The following LRMDA variants were observed in gnomAD, a reference collection of about 807,000 sequenced individuals.
LRMDA encodes the protein leucine-rich melanocyte differentiation-associated protein.
LRMDA carries 18 observed loss-of-function variants against 29.8 expected under a neutral mutation model. That is an observed-to-expected ratio of 0.60 (90% CI 0.42 to 0.90). The LOEUF (loss-of-function observed/expected upper bound fraction) is 0.90. Ranked by LOEUF, LRMDA falls within the 40% of genes least tolerant of loss-of-function variation. LRMDA has a pLI of 0.00. For missense variants in LRMDA, 273 were observed against 273.9 expected, an observed-to-expected ratio of 1.00 and a Z score of 0.02; for synonymous variants, 125 against 109.4, an observed-to-expected ratio of 1.14 and a Z score of -0.89.
intron 5 of LRMDA, among the ~76,000 whole-genome samples, chr10:76,090,955 A>G (rs1849221460): frequency 6.6e-6 from 1 of 152,186 alleles, no homozygotes; most frequent in African/African-American, 2.4e-5. Flanking sequence ...ACTGAGCTAT[A>G]TATTTAGAAA....
At chr10:75,453,421 C>T (rs1173989782) in intron 2 of LRMDA, among the ~76,000 whole-genome samples, 1 of 152,100 alleles carries the variant, frequency 6.6e-6, no homozygotes, top group Non-Finnish European at 1.5e-5. Context: ...TAAAGTTGTG[C>T]TAATTGAAGC....
intron 2 of LRMDA, among the ~76,000 whole-genome samples, chr10:75,955,313 CAT>C (rs1413056298): frequency 1.3e-5 from 2 of 152,304 alleles, no homozygotes; most frequent in Middle Eastern, 3.4e-3. Context: ...TTGTGCCAAT[CAT>C]GTGTCCCAGC....
intron 2 of LRMDA, among the ~76,000 whole-genome samples, chr10:75,868,543 A>G (rs1445302883): frequency 1.3e-5 from 2 of 152,232 alleles, no homozygotes; most frequent in African/African-American, 4.8e-5. Context: ...GATTGTTACT[A>G]GTATTAAAGC....
chr10:75,897,357 A>G (rs1210961892), intron 2 of LRMDA, among the ~76,000 whole-genome samples: 3 of 152,190 alleles, frequency 2.0e-5, no homozygotes, highest in Admixed American at 6.5e-5. Flanking sequence ...AATCAAGATC[A>G]TAGTCTAAGG....
chr10:75,854,012 G>T (rs1438161294), intron 2 of LRMDA, among the ~76,000 whole-genome samples: 6 of 152,182 alleles, frequency 3.9e-5, no homozygotes, highest in Non-Finnish European at 8.8e-5. Flanking sequence ...GGCATTCCTT[G>T]CCTGGCAGCT....
chr10:75,532,488 C>T (rs1845489183), intron 2 of LRMDA, among the ~76,000 whole-genome samples: 1 of 152,104 alleles, frequency 6.6e-6, no homozygotes, highest in African/African-American at 2.4e-5. Flanking sequence ...TTGGGAGAGA[C>T]CAGTTTGCCA....
At chr10:75,990,950 A>T (rs1455915995) in intron 2 of LRMDA, among the ~76,000 whole-genome samples, 2 of 152,130 alleles carry the variant, frequency 1.3e-5, no homozygotes, top group African/African-American at 2.4e-5. Context: ...AGTCTTCCCT[A>T]AGTTAGTACA....
At chr10:75,952,382 A>C (rs770592850) in intron 2 of LRMDA, among the ~76,000 whole-genome samples, 7 of 152,346 alleles carry the variant, frequency 4.6e-5, no homozygotes, top group Non-Finnish European at 8.8e-5. Flanking sequence ...AAACTCCTTC[A>C]GTCACTGATG....
intron 2 of LRMDA, among the ~76,000 whole-genome samples, chr10:75,595,871 A>AT (rs34804885): frequency 0.6 from 91,803 of 151,862 alleles, 31,124 homozygotes; most frequent in East Asian, 0.85. Flanking sequence ...AGGTTACCAC[A>AT]TTTTCAGAGA....
chr10:75,607,404 T>C (rs559151263), intron 2 of LRMDA, among the ~76,000 whole-genome samples: 30 of 152,358 alleles, frequency 2.0e-4, no homozygotes, highest in African/African-American at 6.7e-4. Flanking sequence ...AATTCTGTTA[T>C]GTTAAAGCTA....
At chr10:76,180,130 TTGA>T (rs1851015664) in intron 5 of LRMDA, among the ~76,000 whole-genome samples, 1 of 151,938 alleles carries the variant, frequency 6.6e-6, no homozygotes. Flanking sequence ...TTGGGTAAAC[TTGA>T]TGATAGGGAA....
rs548308301 is a variant in LRMDA at position 76,412,152 on chromosome 10, T to C, written c.601+87667T>C. Among the ~76,000 whole-genome samples the C allele has an allele frequency of 2.6e-5, 4 of 152,334 alleles. No individual in the cohort carries two copies. In the South Asian group the frequency reaches 6.2e-4, roughly 24 times the overall value. On this transcript the variant is annotated intron_variant, in intron 6 of 6. Coordinates refer to ENST00000611255, the MANE Select transcript of LRMDA (RefSeq NM_001305581.2). ...GAATTAAAAATCCAGCATGAGTGCC[T>C]GAGAAAAATAAGTGAAATCTTGCCT... is the stretch of plus-strand genomic sequence containing the variant.
chr10:75,641,077 G>C (rs1005563089), intron 2 of LRMDA, among the ~76,000 whole-genome samples: 2 of 152,200 alleles, frequency 1.3e-5, no homozygotes, highest in African/African-American at 4.8e-5. Context: ...TCAGAGACCT[G>C]GGTTTAAGTT....
intron 2 of LRMDA, among the ~76,000 whole-genome samples, chr10:75,599,289 A>T (rs1326800724): frequency 6.6e-6 from 1 of 152,180 alleles, no homozygotes; most frequent in Non-Finnish European, 1.5e-5. Flanking sequence ...TTTCCAGGGA[A>T]ATGATTTGAA....
At chr10:76,483,063 C>CA (rs1161343394) in intron 6 of LRMDA, among the ~76,000 whole-genome samples, 1 of 151,880 alleles carries the variant, frequency 6.6e-6, no homozygotes, top group Non-Finnish European at 1.5e-5. Context: ...AGTCTTTGTT[C>CA]ATTTTTTAAA....
chr10:75,833,815 G>T (rs559625764), intron 2 of LRMDA, among the ~76,000 whole-genome samples: 1 of 152,274 alleles, frequency 6.6e-6, no homozygotes, highest in African/African-American at 2.4e-5. Context: ...GACAGGCACA[G>T]GAGACTGTTT....
At chr10:76,049,522 T>C (rs1171038740) in intron 4 of LRMDA, among the ~76,000 whole-genome samples, 2 of 152,174 alleles carry the variant, frequency 1.3e-5, no homozygotes, top group African/African-American at 4.8e-5. Flanking sequence ...TTTTTATTCA[T>C]TTAATCTCTT....
intron 5 of LRMDA, among the ~76,000 whole-genome samples, chr10:76,144,380 T>C (rs1448574193): frequency 6.6e-6 from 1 of 152,194 alleles, no homozygotes. Context: ...AGCAGTGGTT[T>C]GTAGTTCTCC....
intron 5 of LRMDA, among the ~76,000 whole-genome samples, chr10:76,069,188 T>C (rs1380247578): frequency 6.6e-6 from 1 of 152,174 alleles, no homozygotes; most frequent in Non-Finnish European, 1.5e-5. Context: ...GTATACACAC[T>C]CAGATTCCAA....
Sources: gnomAD v4.1 joint callset for allele counts (sites outside exome capture counted in the v4.1 genomes callset) on GRCh38, gnomAD v4.1.1 for gene constraint, MANE v1.5 for transcripts, NCBI Gene and HGNC (gene_info 2026-07-23, HGNC 2026-07-21) for gene names.